Variants in C1GALT1 observed in about 807,000 individuals in gnomAD.
C1GALT1 encodes the protein core 1 synthase, glycoprotein-N-acetylgalactosamine 3-beta-galactosyltransferase 1, also known as glycoprotein-N-acetylgalactosamine 3-beta-galactosyltransferase 1.
In C1GALT1, 11 loss-of-function variants were observed where a neutral mutation model predicts 31.0. The observed-to-expected ratio is 0.36, with a 90% CI of 0.22 to 0.59. C1GALT1 has a LOEUF of 0.59. Among genes scored for constraint, C1GALT1 ranks in the 20% least tolerant of loss-of-function variants. The pLI is 0.79. For synonymous variants in C1GALT1, 175 were observed against 143.6 expected, an observed-to-expected ratio of 1.22 and a Z score of -1.56; for missense variants, 424 against 425.2, an observed-to-expected ratio of 1.00 and a Z score of 0.03.
intron 1 of C1GALT1, among the ~76,000 whole-genome samples, chr7:7,231,392 T>C (rs73337332): frequency 0.026 from 3,934 of 152,260 alleles, 181 homozygotes; most frequent in African/African-American, 0.09. Flanking sequence ...TCATTATTTC[T>C]TTAAATACCA....
chr7:7,196,975 T>TC (rs1484122873), intron 1 of C1GALT1, among the ~76,000 whole-genome samples: 3 of 152,232 alleles, frequency 2.0e-5, no homozygotes, highest in African/African-American at 7.2e-5. Context: ...GTAAAAATTT[T>TC]CTCCCATTGT....
intron 1 of C1GALT1, among the ~76,000 whole-genome samples, chr7:7,183,195 C>T (rs1189571893): frequency 6.6e-6 from 1 of 152,016 alleles, no homozygotes; most frequent in African/African-American, 2.4e-5. Flanking sequence ...CTTAGCGGTC[C>T]TGCCCCGCCG....
chr7:7,215,947 A>G (rs1007451293), intron 1 of C1GALT1, among the ~76,000 whole-genome samples: 5 of 152,058 alleles, frequency 3.3e-5, no homozygotes, highest in African/African-American at 1.2e-4. Context: ...TGCCCCAAAT[A>G]AGGGGGACCC....
At chr7:7,172,910 A>C (rs1780469449) in intron 2 of C1GALT1, among the ~76,000 whole-genome samples, 2 of 152,210 alleles carry the variant, frequency 1.3e-5, no homozygotes, top group East Asian at 3.8e-4. Flanking sequence ...CTACCATTAT[A>C]GTATCATAAA....
chr7:7,240,777 T>A (rs1469756042), intron 3 of C1GALT1, among the ~76,000 whole-genome samples: 1 of 152,130 alleles, frequency 6.6e-6, no homozygotes, highest in Non-Finnish European at 1.5e-5. Context: ...CTCAGGAGAT[T>A]CTTACATAAA....
At chr7:7,233,290 G>A (rs1218593631) in intron 1 of C1GALT1, among the ~76,000 whole-genome samples, 1 of 151,788 alleles carries the variant, frequency 6.6e-6, no homozygotes, top group African/African-American at 2.4e-5. Flanking sequence ...TTCTGAGATA[G>A]TTTCACTCTT....
intron 2 of C1GALT1, among the ~76,000 whole-genome samples, chr7:7,176,818 G>A (rs1215190680): frequency 1.3e-5 from 2 of 152,126 alleles, no homozygotes; most frequent in Non-Finnish European, 2.9e-5. Context: ...AATAAAAACT[G>A]TTTAGAAAAT....
intron 1 of C1GALT1, among the ~76,000 whole-genome samples, chr7:7,226,700 T>C (rs1232316312): frequency 6.6e-6 from 1 of 152,134 alleles, no homozygotes; most frequent in Non-Finnish European, 1.5e-5. Flanking sequence ...AAAAAACTGC[T>C]TGCTGAAACC....
intron 2 of C1GALT1, among the ~76,000 whole-genome samples, chr7:7,176,876 A>G (rs561355696): frequency 6.6e-6 from 1 of 152,186 alleles, no homozygotes; most frequent in Non-Finnish European, 1.5e-5. Context: ...TTTCAATAGG[A>G]GACGAGAAGC....
chr7:7,217,258 CAGAAAGA>C (rs1207575872), intron 1 of C1GALT1, among the ~76,000 whole-genome samples: 4 of 151,784 alleles, frequency 2.6e-5, no homozygotes, highest in East Asian at 1.9e-4. Flanking sequence ...TTGAATAGGC[CAGAAAGA>C]AGAAAGAAGG....
chr7:7,217,209 G>A (rs562585273), intron 1 of C1GALT1, among the ~76,000 whole-genome samples: 5 of 152,254 alleles, frequency 3.3e-5, no homozygotes, highest in Admixed American at 2.0e-4. Context: ...TAGATAAAAC[G>A]ACATGGACAC....
chr7:7,224,244 G>A (rs1304041802), intron 1 of C1GALT1, among the ~76,000 whole-genome samples: 1 of 151,128 alleles, frequency 6.6e-6, no homozygotes, highest in African/African-American at 2.4e-5. Flanking sequence ...TTCTGAGAAG[G>A]GTAGTAGTCT....
chr7:7,225,798 T>G (rs1397675806), intron 1 of C1GALT1, among the ~76,000 whole-genome samples: 1 of 152,192 alleles, frequency 6.6e-6, no homozygotes, highest in Non-Finnish European at 1.5e-5. Context: ...CACCTCAAGA[T>G]TTATAAATAG....
chr7:7,174,377 A>G (rs1378185910), intron 2 of C1GALT1, among the ~76,000 whole-genome samples: 1 of 152,214 alleles, frequency 6.6e-6, no homozygotes, highest in East Asian at 1.9e-4. Flanking sequence ...GATCTGGGTA[A>G]ATAACAACGA....
chr7:7,162,272 C>G (rs1316707219), intron 2 of C1GALT1, among the ~76,000 whole-genome samples: 7 of 104,608 alleles, frequency 6.7e-5, no homozygotes, highest in East Asian at 3.3e-4. Context: ...CCCCTCCCCC[C>G]ACCCCACAAC....
At chr7:7,181,112 A>G (rs1304482223), upstream of C1GALT1, among the ~76,000 whole-genome samples, 1 of 152,128 alleles carries the variant, frequency 6.6e-6, no homozygotes, top group Non-Finnish European at 1.5e-5. Flanking sequence ...CGAGATAAGG[A>G]GTTGTGAGTT....
chr7:7,221,498 T>C (rs1782510686), intron 1 of C1GALT1, among the ~76,000 whole-genome samples: 1 of 152,212 alleles, frequency 6.6e-6, no homozygotes, highest in Admixed American at 6.5e-5. Flanking sequence ...TTCTTTCTTA[T>C]CAGAGCCATT....
Position 7,248,406 on chromosome 7 carries a change from T to C in C1GALT1, c.*4679T>C, listed in dbSNP as rs1783931902. 6.6e-6 allele frequency: 1 copy of C among 152,044 alleles called. No homozygotes were observed. Among genetic ancestry groups the C allele is most frequent in the Non-Finnish European group, 1.5e-5 (1 of 67,888 alleles). The allele number at this position is 152,044 out of a possible 1,614,324, so 9.4% of individuals were successfully genotyped here. A position where few individuals can be genotyped will look rare whatever the true frequency, so the allele number is the denominator to read the frequency against. ...AATCTTACTGCTAAGCAGTGTGTTG[T>C]ACTACATAGTGAATGTTCGTGTTTT... On this transcript the variant is annotated 3_prime_UTR_variant, in exon 4 of 4. Transcript: ENST00000436587.
chr7:7,216,867 G>A (rs963242774), intron 1 of C1GALT1, among the ~76,000 whole-genome samples: 1 of 152,174 alleles, frequency 6.6e-6, no homozygotes, highest in African/African-American at 2.4e-5. Context: ...ATGACCATGT[G>A]CTTCCCAGAG....
Sources: gnomAD v4.1 joint callset for allele counts (sites outside exome capture counted in the v4.1 genomes callset) on GRCh38, gnomAD v4.1.1 for gene constraint, MANE v1.5 for transcripts, NCBI Gene and HGNC (gene_info 2026-07-23, HGNC 2026-07-21) for gene names.